Variants in TAF12 observed in about 807,000 individuals in gnomAD.
TAF12 encodes the protein transcription initiation factor TFIID subunit 12.
A neutral mutation model predicts 20.8 loss-of-function variants in TAF12; 3 were observed. The observed-to-expected ratio is 0.14, with a 90% CI of 0.07 to 0.37. The LOEUF (loss-of-function observed/expected upper bound fraction) is 0.37. Ranked by LOEUF, TAF12 falls within the 10% of genes least tolerant of loss-of-function variation. The probability of loss-of-function intolerance (pLI) is 1.00; values close to 1 mark genes in which losing one functional copy is unlikely to be tolerated. For missense variants in TAF12, 131 were observed against 197.9 expected (o/e 0.66, Z 2.03); for synonymous variants, 69 against 70.2 (o/e 0.98, Z 0.09).
At chr1:28,610,137 C>T (rs1417525305) in intron 4 of TAF12, among the ~76,000 whole-genome samples, 1 of 151,572 alleles carries the variant, frequency 6.6e-6, no homozygotes, top group Non-Finnish European at 1.5e-5. Flanking sequence ...GCCACCACAC[C>T]CAGGTAATTT....
rs573490031 is a variant in TAF12, at chr1:28,614,369, G to C, written c.247-1008C>G. Among the ~76,000 whole-genome samples, 5 of 151,998 alleles carry C rather than the reference G, an allele frequency of 3.3e-5. No individual in the cohort carries two copies. The South Asian group carries it at 8.3e-4, about 25-fold the overall frequency. ...ATTTGAGGTCAGGAGTTTGAGACCA[G>C]CCTGACCAACATGGTGAAACCCAGT... On this transcript the variant is annotated intron_variant, in intron 3 of 5. Transcript: ENST00000373824.
rs1170666206 is a variant in TAF12, at chr1:28,610,957, C to CAAA, written c.361+2287_361+2289dup. Among the ~76,000 whole-genome samples, 81 of 26,794 alleles carry CAAA rather than the reference C, an allele frequency of 3.0e-3. 3 individuals carry two copies. The highest frequency in any genetic ancestry group is 0.022 in the Middle Eastern group (1 of 46). 17.6% of individuals were successfully genotyped at this position (26,794 alleles called of 152,430 possible). On this transcript the variant is annotated intron_variant, in intron 4 of 5. Transcript: ENST00000373824. ...CCTGGGCAACAGAGTGAGACTGTCT[C>CAAA]AAAAAAAAAAAAAAAAAAAAAAAAA...
At chr1:28,616,806 A>G (rs933074331) in intron 3 of TAF12, among the ~76,000 whole-genome samples, 1 of 152,130 alleles carries the variant, frequency 6.6e-6, no homozygotes, top group Non-Finnish European at 1.5e-5. Flanking sequence ...CTCATCTACC[A>G]TAATAGGGAA....
At chr1:28,633,243 T>A (rs1206229156) in intron 1 of TAF12, among the ~76,000 whole-genome samples, 2 of 149,908 alleles carry the variant, frequency 1.3e-5, no homozygotes, top group Admixed American at 6.7e-5. Context: ...CTTGGCTCAC[T>A]GTAACCTCTG....
chr1:28,603,518 A>G lies in TAF12; in HGVS notation c.*21T>C. 2 of 1,613,610 alleles carry G rather than the reference A, an allele frequency of 1.2e-6. No individual in the cohort carries two copies. On this transcript the variant is annotated 3_prime_UTR_variant, in exon 6 of 6. Coordinates refer to ENST00000373824, the MANE Select transcript of TAF12 (RefSeq NM_005644.4). ...AGTATCTCCAAATACATTGCTGTCC[A>G]TTCCCTGACCTTTCCGTGTGTTATT...
chr1:28,622,109 A>G lies in TAF12; in HGVS notation c.-28T>C. ...TCTGCCGAGCTTTGGACTTCAGCTC[A>G]TAGAGCTTATCGAGATCCTGTTTCT... On this transcript the variant is annotated 5_prime_UTR_variant, in exon 2 of 6. The change abolishes an upstream ATG in the 5' untranslated region. Transcript: ENST00000373824. 2 of 1,594,610 alleles carry G rather than the reference A, an allele frequency of 1.3e-6. No individual in the cohort carries two copies. Among genetic ancestry groups the G allele is most frequent in the Non-Finnish European group, 8.5e-7 (1 of 1,173,588 alleles).
intron 1 of TAF12, among the ~76,000 whole-genome samples, chr1:28,633,836 C>T (rs1403518947): frequency 3.3e-5 from 5 of 149,342 alleles, no homozygotes; most frequent in African/African-American, 7.4e-5. Context: ...CGCTAGAATC[C>T]GGGAGGCGGA....
chr1:28,628,768 A>C (rs2124359591), intron 1 of TAF12, among the ~76,000 whole-genome samples: 1 of 152,316 alleles, frequency 6.6e-6, no homozygotes, highest in South Asian at 2.1e-4. Context: ...ATATTTTGTT[A>C]TTGTTTATTG....
chr1:28,628,216 C>T (rs1039379177), intron 1 of TAF12, among the ~76,000 whole-genome samples: 32 of 24,516 alleles, frequency 1.3e-3, no homozygotes, highest in African/African-American at 6.4e-3. Context: ...TAGCCAGACA[C>T]GGTGCAGGGG....
intron 4 of TAF12, among the ~76,000 whole-genome samples, chr1:28,608,951 T>G (rs372000115): frequency 8.8e-4 from 134 of 151,856 alleles, no homozygotes; most frequent in African/African-American, 1.4e-3. Flanking sequence ...CAAAAATAAA[T>G]AAAGAAAGAA....
chr1:28,648,071 CGTGACCTT>C (rs1035868680), upstream of TAF12: 20 of 651,944 alleles, frequency 3.1e-5, no homozygotes, highest in Non-Finnish European at 3.6e-5. Context: ...TCAGCTTATG[CGTGACCTT>C]GTGACCTTGT....
At chr1:28,625,255 A>T (rs924496203) in intron 1 of TAF12, among the ~76,000 whole-genome samples, 8 of 152,226 alleles carry the variant, frequency 5.3e-5, no homozygotes, top group Non-Finnish European at 4.4e-5. Flanking sequence ...ATCTAGAGAC[A>T]TATCTGGGTG....
At chr1:28,627,762 ACTG>A (rs1667469443) in intron 1 of TAF12, among the ~76,000 whole-genome samples, 2 of 151,764 alleles carry the variant, frequency 1.3e-5, no homozygotes, top group South Asian at 4.2e-4. Context: ...ACAAAAATTT[ACTG>A]CTGTCACTGA....
At chr1:28,633,457 T>C (rs1667708705) in intron 1 of TAF12, among the ~76,000 whole-genome samples, 1 of 149,072 alleles carries the variant, frequency 6.7e-6, no homozygotes, top group Admixed American at 6.7e-5. Context: ...CATGAGACAC[T>C]GTATCCAACC....
At chr1:28,610,448 T>G (rs914016136) in intron 4 of TAF12, among the ~76,000 whole-genome samples, 3 of 152,016 alleles carry the variant, frequency 2.0e-5, no homozygotes, top group African/African-American at 7.2e-5. Flanking sequence ...CACTCCACCA[T>G]GCCTGGCTAA....
At chr1:28,628,986 C>T (rs1183303667) in intron 1 of TAF12, among the ~76,000 whole-genome samples, 1 of 152,168 alleles carries the variant, frequency 6.6e-6, no homozygotes. Context: ...GCAGGAGAAT[C>T]GCTTGCATGG....
At chr1:28,620,989 C>A (rs1031238574) in intron 2 of TAF12, among the ~76,000 whole-genome samples, 5 of 152,144 alleles carry the variant, frequency 3.3e-5, no homozygotes, top group Non-Finnish European at 7.3e-5. Flanking sequence ...CCCCTTACTG[C>A]CAAGTTAATC....
At position 28,643,050 on chromosome 1, in the gene TAF12, T is replaced by C. The variant is rs1009061413; in HGVS notation, c.-143A>G. 2.0e-6 allele frequency: 2 copies of C among 985,772 alleles called. No homozygotes were observed. The highest frequency in any genetic ancestry group is 3.5e-5 in the African/African-American group (2 of 57,254). The allele number at this position is 985,772 out of a possible 1,614,324, so 61.1% of individuals were successfully genotyped here. ...AGACTGCCCCAGTGAAGCGTTCGTC[T>C]CAGCAGCCGGTCCGACTGCGCGGCC... On this transcript the variant is annotated 5_prime_UTR_variant, in exon 1 of 6. Coordinates refer to ENST00000373824, the MANE Select transcript of TAF12 (RefSeq NM_005644.4).
intron 5 of TAF12, among the ~76,000 whole-genome samples, chr1:28,604,450 A>G (rs1214596457): frequency 1.3e-5 from 2 of 152,166 alleles, no homozygotes; most frequent in Non-Finnish European, 1.5e-5. Context: ...CAAATTAACA[A>G]CTTACTTTGT....
Sources: allele counts gnomAD v4.1 joint callset (sites outside exome capture counted in the v4.1 genomes callset), GRCh38; gene constraint gnomAD v4.1.1; transcripts MANE v1.5; gene names NCBI Gene and HGNC (gene_info 2026-07-23, HGNC 2026-07-21).